The following CEP63 variants were observed in gnomAD, a reference collection of about 807,000 sequenced individuals.
CEP63 encodes centrosomal protein of 63 kDa.
In CEP63, 84 loss-of-function variants were observed where a neutral mutation model predicts 89.1. The observed-to-expected ratio is 0.94, with a 90% confidence interval of 0.79 to 1.13. The LOEUF is 1.13. Among genes scored for constraint, CEP63 ranks in the 50% most tolerant of loss-of-function variants. The probability of loss-of-function intolerance (pLI) is 0.00; values close to 1 mark genes in which losing one functional copy is unlikely to be tolerated. For synonymous variants in CEP63, 267 were observed against 272.5 expected (o/e 0.98, Z 0.20); for missense variants, 838 against 813.3 (o/e 1.03, Z -0.37).
the CEP63 span, chr3:134,603,529 G>T: frequency 2.0e-6 from 3 of 1,499,524 alleles, no homozygotes; most frequent in South Asian, 1.3e-5. Flanking sequence ...AGCCCTCCCT[G>T]GGGAGGTCTG....
intron 3 of CEP63, among the ~76,000 whole-genome samples, chr3:134,514,782 G>A (rs1350146196): frequency 1.3e-5 from 2 of 152,174 alleles, no homozygotes; most frequent in Non-Finnish European, 2.9e-5. Flanking sequence ...ATTAAAAAAT[G>A]TTCTTTAGGT....
chr3:134,733,208 A>G, the CEP63 span, among the ~76,000 whole-genome samples: 1 of 152,198 alleles, frequency 6.6e-6, no homozygotes, highest in Non-Finnish European at 1.5e-5. Context: ...CCTTGAAAAG[A>G]CAGACTGAAT....
chr3:134,486,953 C>G (rs1935699146), intron 1 of CEP63, among the ~76,000 whole-genome samples: 2 of 152,164 alleles, frequency 1.3e-5, no homozygotes, highest in South Asian at 4.1e-4. Context: ...TTTCTTACGT[C>G]CCTTACGACA....
At chr3:134,738,755 A>G in the CEP63 span, among the ~76,000 whole-genome samples, 1 of 152,202 alleles carries the variant, frequency 6.6e-6, no homozygotes, top group Non-Finnish European at 1.5e-5. Flanking sequence ...CTGTACCCCA[A>G]TAACTAATGG....
At chr3:134,699,119 A>G in the CEP63 span, among the ~76,000 whole-genome samples, 1 of 152,202 alleles carries the variant, frequency 6.6e-6, no homozygotes, top group South Asian at 2.1e-4. Context: ...CAGAGCAGGA[A>G]ATGTCTCAGG....
the CEP63 span, among the ~76,000 whole-genome samples, chr3:134,626,354 C>A: frequency 6.6e-6 from 1 of 152,198 alleles, no homozygotes; most frequent in Non-Finnish European, 1.5e-5. Context: ...TGGTTCCAGT[C>A]TGGTTCTGAC....
At chr3:134,559,490 T>G in intron 14 of CEP63, 61 bp downstream of exon 14, 1 of 1,458,272 alleles carries the variant, frequency 6.9e-7, no homozygotes, top group Admixed American at 1.8e-5. Flanking sequence ...TGATTTTTTA[T>G]TTTAAGGGTG....
rs1559893959 is a variant in CEP63, at chr3:134,507,303, G to A, written c.222+17G>A. ...CATAAGGAGGTAAAGCAATTTATTT[G>A]TTCTTCTTTTTGACATTTTTATCTT... On this transcript the variant is annotated intron_variant, in intron 3 of 14. Transcript: ENST00000675561. The A allele has an allele frequency of 6.3e-7, 1 of 1,587,396 alleles. No homozygotes were observed. Among genetic ancestry groups the A allele is most frequent in the South Asian group, 1.1e-5 (1 of 89,626 alleles).
At chr3:134,657,430 G>GT in the CEP63 span, among the ~76,000 whole-genome samples, 2 of 152,064 alleles carry the variant, frequency 1.3e-5, no homozygotes, top group African/African-American at 4.8e-5. Context: ...AGTATAATTG[G>GT]TATTGCACCA....
At chr3:134,624,855 G>A in the CEP63 span, among the ~76,000 whole-genome samples, 1 of 152,182 alleles carries the variant, frequency 6.6e-6, no homozygotes, top group Non-Finnish European at 1.5e-5. Flanking sequence ...GCTGGGGGAT[G>A]GAATGGCCTC....
chr3:134,658,737 C>T, the CEP63 span, among the ~76,000 whole-genome samples: 1 of 152,202 alleles, frequency 6.6e-6, no homozygotes, highest in Non-Finnish European at 1.5e-5. Context: ...TCTGAAGGCA[C>T]CATCCTCCAC....
the CEP63 span, among the ~76,000 whole-genome samples, chr3:134,711,751 TTTTTC>T: frequency 3.3e-5 from 5 of 150,410 alleles, no homozygotes; most frequent in East Asian, 3.9e-4. Flanking sequence ...CACTATTATT[TTTTTC>T]TTTTCTTTTC....
intron 11 of CEP63, among the ~76,000 whole-genome samples, chr3:134,572,328 A>C (rs1164258007): frequency 6.6e-6 from 1 of 152,160 alleles, no homozygotes; most frequent in Middle Eastern, 3.2e-3. Flanking sequence ...CATGATGCTG[A>C]GGTTTGGGAT....
chr3:134,526,769 T>C (rs575931853), intron 3 of CEP63, among the ~76,000 whole-genome samples: 14 of 152,198 alleles, frequency 9.2e-5, no homozygotes, highest in African/African-American at 1.2e-4. Context: ...GACCCTTGGA[T>C]GAGGTTTTTT....
chr3:134,594,984 G>A, the CEP63 span, among the ~76,000 whole-genome samples: 8 of 152,314 alleles, frequency 5.3e-5, no homozygotes, highest in East Asian at 1.9e-4. Context: ...CACATCCTGG[G>A]ACCTTTGGTT....
At chr3:134,537,851 T>TG (rs1475200341) in intron 6 of CEP63, among the ~76,000 whole-genome samples, 2 of 152,186 alleles carry the variant, frequency 1.3e-5, no homozygotes, top group African/African-American at 4.8e-5. Flanking sequence ...ATGGCAATGG[T>TG]GTGCACACCA....
At position 134,562,159 on chromosome 3, in the gene CEP63, T is replaced by C; in HGVS notation, c.*624T>C. ...AGGGAGGGCAAGGGACTGGCTGTCATGCACGGTGCCCATGGAATATCCATT... is the reference window on the plus strand; with the variant it reads ...AGGGAGGGCAAGGGACTGGCTGTCACGCACGGTGCCCATGGAATATCCATT... On this transcript the variant is annotated 3_prime_UTR_variant, in exon 15 of 15. Coordinates refer to ENST00000675561, the MANE Select transcript of CEP63 (RefSeq NM_001353108.3). The C allele has an allele frequency of 2.0e-6, 2 of 987,226 alleles. No homozygotes were observed. Among genetic ancestry groups the C allele is most frequent in the Admixed American group, 6.1e-5 (1 of 16,514 alleles). The allele number at this position is 987,226 out of a possible 1,614,324, so 61.2% of individuals were successfully genotyped here. A position where few individuals can be genotyped will look rare whatever the true frequency, so the allele number is the denominator to read the frequency against.
chr3:134,767,496 T>C, the CEP63 span, among the ~76,000 whole-genome samples: 1 of 152,352 alleles, frequency 6.6e-6, no homozygotes, highest in African/African-American at 2.4e-5. Context: ...TTTATGGGCA[T>C]GTGACCTGGA....
At chr3:134,775,794 T>C in the CEP63 span, among the ~76,000 whole-genome samples, 2 of 152,184 alleles carry the variant, frequency 1.3e-5, no homozygotes, top group Non-Finnish European at 2.9e-5. Flanking sequence ...AGGGGAGTTA[T>C]CTAGACAGTG....
Sources: allele counts gnomAD v4.1 joint callset (sites outside exome capture counted in the v4.1 genomes callset), GRCh38; gene constraint gnomAD v4.1.1; transcripts MANE v1.5; gene names NCBI Gene and HGNC (gene_info 2026-07-23, HGNC 2026-07-21).